The following KCMF1 variants were observed in gnomAD, a reference collection of about 807,000 sequenced individuals.
The protein encoded by KCMF1 is E3 ubiquitin-protein ligase KCMF1.
In KCMF1, 3 loss-of-function variants were observed where a neutral mutation model predicts 41.1. The ratio of observed to expected loss-of-function variants is 0.07; its 90% confidence interval spans 0.03 to 0.19. The LOEUF is 0.19. Ranked by LOEUF, KCMF1 falls within the 10% of genes least tolerant of loss-of-function variation. The pLI is 1.00. For missense variants in KCMF1, 286 were observed against 488.9 expected (o/e 0.58, Z 3.91); for synonymous variants, 142 against 164.5 (o/e 0.86, Z 1.04).
At chr2:85,016,909 C>G (rs1185057455) in intron 1 of KCMF1, among the ~76,000 whole-genome samples, 1 of 151,934 alleles carries the variant, frequency 6.6e-6, no homozygotes, top group East Asian at 1.9e-4. Flanking sequence ...AGGCTGGTCT[C>G]GAACCCCTGA....
At chr2:84,974,341 C>T (rs1266639705) in intron 1 of KCMF1, among the ~76,000 whole-genome samples, 2 of 152,062 alleles carry the variant, frequency 1.3e-5, no homozygotes, top group Admixed American at 6.6e-5. Context: ...TCTTTGTACC[C>T]ACCCTAATGA....
chr2:85,050,037 C>T (rs1457477981), intron 6 of KCMF1, among the ~76,000 whole-genome samples: 3 of 152,098 alleles, frequency 2.0e-5, no homozygotes, highest in Admixed American at 2.0e-4. Context: ...GTAGTCCCCG[C>T]TACTCAGGAG....
intron 1 of KCMF1, 79 bp downstream of exon 1, chr2:84,971,546 C>T: frequency 1.2e-6 from 1 of 837,192 alleles, no homozygotes; most frequent in Non-Finnish European, 1.5e-6. Context: ...CGGAGGGCGG[C>T]CGGGAAGCGG....
At position 85,027,872 on chromosome 2, in the gene KCMF1, A is replaced by T. The variant is rs1260417507; in HGVS notation, c.17-17A>T. On this transcript the variant is annotated splice_polypyrimidine_tract_variant and intron_variant, in intron 1 of 6. Transcript: ENST00000409785. ...GCCTTTACAACTGGTAACTAAAGAT[A>T]TTTCTTTTTTTTATAGGTGTCAGCT... 6.4e-7 allele frequency: 1 copy of T among 1,560,210 alleles called. No homozygotes were observed. Among genetic ancestry groups the T allele is most frequent in the Non-Finnish European group, 8.7e-7 (1 of 1,149,034 alleles).
rs1022593994 is a variant in KCMF1 at position 85,027,838 on chromosome 2, T to G, written c.17-51T>G. 11 of 1,151,022 alleles carry G rather than the reference T, an allele frequency of 9.6e-6. No homozygotes were observed. In the South Asian group the frequency reaches 1.4e-4, roughly 14 times the overall value. The allele number at this position is 1,151,022 out of a possible 1,614,324, so 71.3% of individuals were successfully genotyped here. A position where few individuals can be genotyped will look rare whatever the true frequency, so the allele number is the denominator to read the frequency against. ...ACCTGAAACATTCATAAAAATGAAA[T>G]CAAGAGTGGCCTTTACAACTGGTAA... On this transcript the variant is annotated intron_variant, in intron 1 of 6. Transcript: ENST00000409785.
At chr2:85,034,154 G>T (rs1432862355) in intron 2 of KCMF1, among the ~76,000 whole-genome samples, 1 of 152,114 alleles carries the variant, frequency 6.6e-6, no homozygotes, top group Non-Finnish European at 1.5e-5. Flanking sequence ...TGATCATCCA[G>T]CCTGTGCGAC....
At chr2:84,976,164 T>G (rs925179604) in intron 1 of KCMF1, among the ~76,000 whole-genome samples, 1 of 152,106 alleles carries the variant, frequency 6.6e-6, no homozygotes, top group African/African-American at 2.4e-5. Context: ...GGTACTCTAC[T>G]GTGATTCTAG....
chr2:85,014,603 C>T (rs1333958954), intron 1 of KCMF1, among the ~76,000 whole-genome samples: 1 of 150,998 alleles, frequency 6.6e-6, no homozygotes, highest in Non-Finnish European at 1.5e-5. Flanking sequence ...CTTGCTGCCA[C>T]AGACCTGTCT....
At chr2:85,045,274 T>C (rs1188569379) in intron 4 of KCMF1, among the ~76,000 whole-genome samples, 1 of 151,718 alleles carries the variant, frequency 6.6e-6, no homozygotes, top group Non-Finnish European at 1.5e-5. Context: ...AATCATAATA[T>C]AAAATTATCA....
At chr2:85,046,629 C>CAA (rs1252387892) in intron 5 of KCMF1, among the ~76,000 whole-genome samples, 2,044 of 76,698 alleles carry the variant, frequency 0.027, 47 homozygotes, top group African/African-American at 0.08. Flanking sequence ...GACCCTGTCT[C>CAA]AAAAAAAAAA....
rs1262037155 is a variant in KCMF1, at chr2:85,049,513, C to A, written c.749C>A (p.Thr250Asn). The A allele has an allele frequency of 6.2e-7, 1 of 1,614,036 alleles. No individual in the cohort carries two copies. The highest frequency in any genetic ancestry group is 1.7e-5 in the Admixed American group (1 of 60,020). The change falls in exon 6 of 7, where the codon ACC becomes AAC. Residue 250 changes from threonine to asparagine, a missense_variant. Thr to Asn is a moderately conservative substitution (Grantham distance 65). This residue lies in a region of KCMF1 where 191 missense variants were observed against 279.3 expected (regional missense o/e 0.68). Transcript: ENST00000409785. Reference protein sequence around the residue: ...HAQAARQQLETARNATRRTNT... With the variant: ...HAQAARQQLENARNATRRTNT... ...CAGGCAGCACGGCAACAACTGGAGA[C>A]CGCACGCAACGCAACCCGGCGTACT...
In KCMF1 at chr2:85,018,968, C is replaced by T. The variant is rs529336337; in HGVS notation, c.17-8921C>T. Among the ~76,000 whole-genome samples the T allele has an allele frequency of 2.8e-3, 428 of 152,024 alleles. 2 individuals carry two copies. Among genetic ancestry groups the T allele is most frequent in the African/African-American group, 9.4e-3 (388 of 41,482 alleles). ...ACCAGGCTGGTCTTGAACTCCTGAC[C>T]ACAGGTGATCCGCCCACCTCGGCCT... On this transcript the variant is annotated intron_variant, in intron 1 of 6. Coordinates refer to ENST00000409785, the MANE Select transcript of KCMF1 (RefSeq NM_020122.5).
intron 1 of KCMF1, among the ~76,000 whole-genome samples, chr2:85,000,831 T>G (rs1313088662): frequency 1.3e-5 from 2 of 148,318 alleles, no homozygotes; most frequent in Non-Finnish European, 3.0e-5. Flanking sequence ...CAGGCTGGAG[T>G]GTAGTGGCAC....
At chr2:84,988,363 A>G (rs1370241396) in intron 1 of KCMF1, among the ~76,000 whole-genome samples, 1 of 152,246 alleles carries the variant, frequency 6.6e-6, no homozygotes, top group Non-Finnish European at 1.5e-5. Flanking sequence ...ACTATGTGCC[A>G]GGCACTGTTG....
chr2:85,039,498 C>G (rs1465691858), intron 3 of KCMF1, among the ~76,000 whole-genome samples: 2 of 152,098 alleles, frequency 1.3e-5, no homozygotes, highest in African/African-American at 2.4e-5. Context: ...GTATATTCAG[C>G]AGTGATTCGG....
At chr2:85,006,036 C>G (rs1004819968) in intron 1 of KCMF1, among the ~76,000 whole-genome samples, 1 of 152,154 alleles carries the variant, frequency 6.6e-6, no homozygotes, top group African/African-American at 2.4e-5. Context: ...TGCCTGGTCA[C>G]ATATCAGTTC....
chr2:85,026,592 A>C (rs545264807), intron 1 of KCMF1, among the ~76,000 whole-genome samples: 1 of 151,770 alleles, frequency 6.6e-6, no homozygotes, highest in South Asian at 2.1e-4. Context: ...GGGCTCAAGC[A>C]TTCCTCCCAC....
At chr2:85,018,267 A>ATTTTTT (rs373718008) in intron 1 of KCMF1, among the ~76,000 whole-genome samples, 5 of 126,892 alleles carry the variant, frequency 3.9e-5, no homozygotes, top group African/African-American at 1.2e-4. Context: ...ACTAAGCTAG[A>ATTTTTT]TTTTTTTTTT....
In KCMF1 at chr2:84,971,385, CG is replaced by C; in HGVS notation, c.-64del. On this transcript the variant is annotated 5_prime_UTR_variant, in exon 1 of 7. Transcript: ENST00000409785. ...GTCGGCCGGCCGGCGCGGGCAGCGC[CG>C]GGACCCCGCGGGGGACACTGCAGCC... is the stretch of plus-strand genomic sequence containing the variant. 2.8e-6 allele frequency: 3 copies of C among 1,070,308 alleles called. No individual in the cohort carries two copies. Among genetic ancestry groups the C allele is most frequent in the Non-Finnish European group, 3.4e-6 (3 of 876,324 alleles). 66.3% of individuals were successfully genotyped at this position (1,070,308 alleles called of 1,614,324 possible). A position where few individuals can be genotyped will look rare whatever the true frequency, so the allele number is the denominator to read the frequency against.
Sources: allele counts gnomAD v4.1 joint callset (sites outside exome capture counted in the v4.1 genomes callset), GRCh38; gene constraint gnomAD v4.1.1; regional missense constraint gnomAD v4.1.1; transcripts MANE v1.5; gene names NCBI Gene and HGNC (gene_info 2026-07-23, HGNC 2026-07-21).